MYO5A: variants seen among roughly 807,000 people sequenced by gnomAD.
The protein encoded by MYO5A is myosin VA, also known as unconventional myosin-Va.
In MYO5A, 98 loss-of-function variants were observed where a neutral mutation model predicts 249.7. That is an observed-to-expected ratio of 0.39 (90% CI 0.33 to 0.46). The LOEUF (loss-of-function observed/expected upper bound fraction) is 0.46, where lower values mean the gene tolerates loss of function less well. MYO5A is among the 20% of genes least tolerant of loss of function. The pLI is 0.98. For synonymous variants in MYO5A, 778 were observed against 810.6 expected (o/e 0.96, Z 0.68); for missense variants, 1,696 against 2,308.8 (o/e 0.73, Z 5.44).
At chr15:52,451,879 A>G (rs867644669) in intron 1 of MYO5A, among the ~76,000 whole-genome samples, 8 of 152,220 alleles carry the variant, frequency 5.3e-5, no homozygotes, top group African/African-American at 1.4e-4. Context: ...TTTCTTCACT[A>G]TGAAAACCAT....
intron 1 of MYO5A, among the ~76,000 whole-genome samples, chr15:52,522,281 T>C (rs2077638998): frequency 6.6e-6 from 1 of 152,074 alleles, no homozygotes; most frequent in African/African-American, 2.4e-5. Flanking sequence ...CATGACAGAA[T>C]ATATGTGTCA....
Position 52,313,370 on chromosome 15 carries a change from G to C in MYO5A, c.*326C>G. 1 of 361,794 alleles carries C rather than the reference G, an allele frequency of 2.8e-6. No individual in the cohort carries two copies. The highest frequency in any genetic ancestry group is 6.9e-5 in the East Asian group (1 of 14,572). The allele number at this position is 361,794 out of a possible 1,614,324, so 22.4% of individuals were successfully genotyped here. On this transcript the variant is annotated 3_prime_UTR_variant, in exon 42 of 42. Transcript: ENST00000399233. ...TTATACCATTCAAACTCAGTGCTAA[G>C]GATTTAAAATAAATGCTGCCAGCTG...
At chr15:52,520,410 T>C (rs1253123393) in intron 1 of MYO5A, among the ~76,000 whole-genome samples, 5 of 152,070 alleles carry the variant, frequency 3.3e-5, no homozygotes, top group Non-Finnish European at 7.4e-5. Context: ...TCTATCAGGC[T>C]CTCTTCCTCC....
chr15:52,416,410 T>G (rs2043488621), intron 4 of MYO5A, 109 bp from the exon 5 acceptor site: 1 of 1,137,206 alleles, frequency 8.8e-7, no homozygotes, highest in Admixed American at 2.0e-5. Context: ...ATGGATTTTT[T>G]GGTCGATACT....
chr15:52,340,109 C>G, intron 32 of MYO5A, 87 bp downstream of exon 32: 1 of 1,438,764 alleles, frequency 7.0e-7, no homozygotes, highest in South Asian at 1.2e-5. Context: ...TTTTTCCCAG[C>G]AAGAAAAACC....
At chr15:52,463,311 C>T (rs921732649) in intron 1 of MYO5A, among the ~76,000 whole-genome samples, 1 of 152,156 alleles carries the variant, frequency 6.6e-6, no homozygotes, top group African/African-American at 2.4e-5. Context: ...GAATTTCATT[C>T]TGTCTGTAAA....
At chr15:52,380,596 G>A (rs6493554) in intron 16 of MYO5A, among the ~76,000 whole-genome samples, 102,791 of 151,546 alleles carry the variant, frequency 0.68, 36,428 homozygotes, top group Admixed American at 0.76. Context: ...GTGAAACCCC[G>A]TCTCTACAAA....
intron 1 of MYO5A, among the ~76,000 whole-genome samples, chr15:52,461,573 T>C (rs2076248638): frequency 6.6e-6 from 1 of 152,166 alleles, no homozygotes; most frequent in South Asian, 2.1e-4. Flanking sequence ...ATGAAGGGGC[T>C]CTAGGTTAGT....
intron 1 of MYO5A, among the ~76,000 whole-genome samples, chr15:52,511,852 T>C (rs2077395011): frequency 6.6e-6 from 1 of 152,212 alleles, no homozygotes; most frequent in Non-Finnish European, 1.5e-5. Flanking sequence ...TCTTCTAAGA[T>C]CTAACTAGAT....
At chr15:52,388,833 T>C (rs1207745330) in intron 13 of MYO5A, among the ~76,000 whole-genome samples, 1 of 152,170 alleles carries the variant, frequency 6.6e-6, no homozygotes, top group Non-Finnish European at 1.5e-5. Flanking sequence ...CATACACCAT[T>C]TTTTCATATT....
At chr15:52,318,918 T>G (rs1333157935) in intron 39 of MYO5A, 142 bp downstream of exon 39, 3 of 1,051,992 alleles carry the variant, frequency 2.9e-6, no homozygotes, top group Non-Finnish European at 4.2e-6. Context: ...AGTGGCTCCG[T>G]GCCAGTTTCT....
In MYO5A at chr15:52,407,332, T is replaced by C. The variant is rs2043050511; in HGVS notation, c.906A>G (p.Ala302=). The change falls in exon 8 of 42, where the codon GCA becomes GCG. Residue 302 remains alanine (A), a synonymous_variant. Transcript: ENST00000399233. ...CCTGCCTAGTATGTGCCATCTCCTT[T>C]GCATCATCCACTCCTTCAATCACAG... ...GSPVIEGVDD[A]KEMAHTRQAC... 3 of 1,613,682 alleles carry C rather than the reference T, an allele frequency of 1.9e-6. No individual in the cohort carries two copies. Among genetic ancestry groups the C allele is most frequent in the Non-Finnish European group, 2.5e-6 (3 of 1,179,686 alleles).
intron 32 of MYO5A, among the ~76,000 whole-genome samples, chr15:52,338,611 T>C (rs1258363297): frequency 3.3e-5 from 5 of 152,176 alleles, no homozygotes. Flanking sequence ...CCTCCTGAAT[T>C]AGTAGTCAGT....
At chr15:52,381,782 T>TCTCTCTCTCACACA (rs11280608) in intron 16 of MYO5A, among the ~76,000 whole-genome samples, 1 of 137,872 alleles carries the variant, frequency 7.3e-6, no homozygotes, top group Admixed American at 7.3e-5. Context: ...TCTCTCTCTC[T>TCTCTCTCTCACACA]CACACACACA....
At chr15:52,434,219 C>T (rs1455163147) in intron 1 of MYO5A, among the ~76,000 whole-genome samples, 3 of 151,710 alleles carry the variant, frequency 2.0e-5, no homozygotes, top group Non-Finnish European at 2.9e-5. Context: ...AGGCTGGTCT[C>T]GAACCCCTGA....
rs780225842 is a variant in MYO5A, at chr15:52,405,063, A to T, written c.1053+224T>A. Among the ~76,000 whole-genome samples, 971 of 133,332 alleles carry T rather than the reference A, an allele frequency of 7.3e-3. 5 individuals carry two copies. The highest frequency in any genetic ancestry group is 8.7e-3 in the Non-Finnish European group (589 of 67,408). The allele number at this position is 133,332 out of a possible 152,430, so 87.5% of individuals were successfully genotyped here. A position where few individuals can be genotyped will look rare whatever the true frequency, so the allele number is the denominator to read the frequency against. On this transcript the variant is annotated intron_variant, in intron 9 of 41. Transcript: ENST00000399233. Reference sequence around the variant, plus strand: ...CTCTCTCTCTCTGTCACACACACACACACACACACACACACACACACACAC... The same window carrying T: ...CTCTCTCTCTCTGTCACACACACACTCACACACACACACACACACACACAC...
chr15:52,521,621 T>C (rs776075200), intron 1 of MYO5A, among the ~76,000 whole-genome samples: 2 of 152,170 alleles, frequency 1.3e-5, no homozygotes, highest in Non-Finnish European at 2.9e-5. Flanking sequence ...TTCAATCAAG[T>C]TTAGAACCAT....
chr15:52,389,661 A>T (rs191610507), intron 12 of MYO5A, among the ~76,000 whole-genome samples: 24 of 152,160 alleles, frequency 1.6e-4, no homozygotes, highest in African/African-American at 5.5e-4. Flanking sequence ...TTTTTTAAAA[A>T]ACAAAAGCTG....
intron 35 of MYO5A, among the ~76,000 whole-genome samples, chr15:52,329,793 C>A (rs181385037): frequency 6.6e-6 from 1 of 151,926 alleles, no homozygotes; most frequent in South Asian, 2.1e-4. Flanking sequence ...GGGTGGAGTG[C>A]AGTGGTATAA....
Sources: allele counts gnomAD v4.1 joint callset (sites outside exome capture counted in the v4.1 genomes callset), GRCh38; gene constraint gnomAD v4.1.1; transcripts MANE v1.5; gene names NCBI Gene and HGNC (gene_info 2026-07-23, HGNC 2026-07-21).